The following ETF1 variants were observed in gnomAD, a reference collection of about 807,000 sequenced individuals.
ETF1 encodes eukaryotic translation termination factor 1.
In ETF1, 4 loss-of-function variants were observed where a neutral mutation model predicts 55.1. The observed-to-expected ratio is 0.07, with a 90% CI of 0.04 to 0.17. The LOEUF (loss-of-function observed/expected upper bound fraction) is 0.17, where lower values mean the gene tolerates loss of function less well. Ranked by LOEUF, ETF1 falls within the 10% of genes least tolerant of loss-of-function variation. The pLI is 1.00. For missense variants in ETF1, 142 were observed against 523.6 expected, an observed-to-expected ratio of 0.27 and a Z score of 7.11; for synonymous variants, 157 against 182.3, an observed-to-expected ratio of 0.86 and a Z score of 1.12.
At chr5:138,532,857 CAG>C (rs1302286253) in intron 2 of ETF1, among the ~76,000 whole-genome samples, 1 of 152,146 alleles carries the variant, frequency 6.6e-6, no homozygotes, top group East Asian at 1.9e-4. Flanking sequence ...CCAGTCTTCA[CAG>C]GGACCTGATA....
chr5:138,541,576 TGAA>T, intron 2 of ETF1: 1 of 1,534,908 alleles, frequency 6.5e-7, no homozygotes, highest in Non-Finnish European at 8.7e-7. Context: ...ACAGTAATAA[TGAA>T]GAGCTTGGAG....
At chr5:138,509,825 G>A in intron 9 of ETF1, among the ~76,000 whole-genome samples, 1 of 148,752 alleles carries the variant, frequency 6.7e-6, no homozygotes, top group Admixed American at 6.7e-5. Context: ...AACTCGGGAG[G>A]TGGAGGTTGC....
chr5:138,531,615 T>C (rs1043398430), intron 2 of ETF1, among the ~76,000 whole-genome samples: 1 of 152,238 alleles, frequency 6.6e-6, no homozygotes, highest in Admixed American at 6.5e-5. Flanking sequence ...CTAACCGGGA[T>C]GTACAGTACA....
chr5:138,511,472 T>C lies in ETF1; in HGVS notation c.862+3A>G. ...AGAATAAGTAGTTGCATTTCACCGATACCTATTAATTTCTTCTCTTGAATG... is the reference window on the plus strand; with the variant it reads ...AGAATAAGTAGTTGCATTTCACCGACACCTATTAATTTCTTCTCTTGAATG... On this transcript the variant is annotated splice_donor_region_variant and intron_variant, in intron 7 of 10. Transcript: ENST00000360541. 6.2e-7 allele frequency: 1 copy of C among 1,613,378 alleles called. No homozygotes were observed. Among genetic ancestry groups the C allele is most frequent in the South Asian group, 1.1e-5 (1 of 91,006 alleles).
At chr5:138,512,238 A>ATTT (rs1561829840) in intron 6 of ETF1, among the ~76,000 whole-genome samples, 1 of 5,654 alleles carries the variant, frequency 1.8e-4, no homozygotes, top group African/African-American at 3.9e-4. Flanking sequence ...ATATATATAT[A>ATTT]TATATATATA....
At chr5:138,525,924 A>G (rs1206033756) in intron 2 of ETF1, among the ~76,000 whole-genome samples, 1 of 148,146 alleles carries the variant, frequency 6.8e-6, no homozygotes, top group Non-Finnish European at 1.5e-5. Context: ...CAGTCTGGGC[A>G]ACAGAGTGAG....
At position 138,511,181 on chromosome 5, in the gene ETF1, G is replaced by T; in HGVS notation, c.882C>A (p.Ile294=). Residue 294 remains isoleucine, a synonymous_variant, in exon 8 of 11, where the codon ATC becomes ATA. Coordinates refer to ENST00000360541, the MANE Select transcript of ETF1 (RefSeq NM_004730.4). The stretch of plus-strand genomic sequence containing the variant: ...AACAGTACTTGCCCGTGTCCTGGCT[G>T]ATTTCATCAAAGTATCGTCCTACGA... ...KKLIGRYFDE[I]SQDTGKYCFG... The T allele has an allele frequency of 1.2e-6, 2 of 1,614,008 alleles. No homozygotes were observed. The highest frequency in any genetic ancestry group is 1.6e-4 in the Middle Eastern group (1 of 6,062).
intron 6 of ETF1, among the ~76,000 whole-genome samples, chr5:138,512,254 A>ATTT (rs1452012959): frequency 9.5e-4 from 17 of 17,924 alleles, no homozygotes; most frequent in African/African-American, 4.0e-3. Context: ...ATATATATAT[A>ATTT]TATATTTTTT....
At chr5:138,536,315 A>G (rs957245853) in intron 2 of ETF1, among the ~76,000 whole-genome samples, 3 of 152,240 alleles carry the variant, frequency 2.0e-5, no homozygotes, top group Non-Finnish European at 2.9e-5. Context: ...TCTGTATGAT[A>G]AGAACCAGTT....
rs1764660521 is a variant in ETF1, at chr5:138,509,017, C to T, written c.1084-201G>A. 3.0e-6 allele frequency: 3 copies of T among 984,974 alleles called. No individual in the cohort carries two copies. In the South Asian group the frequency reaches 1.4e-4, roughly 46 times the overall value. 61.0% of individuals were successfully genotyped at this position (984,974 alleles called of 1,614,324 possible). A position where few individuals can be genotyped will look rare whatever the true frequency, so the allele number is the denominator to read the frequency against. ...GAAATTCGGATTATTTCAAACAACA[C>T]TTCTCCTCAGGCTCTACCCTCAGCT... On this transcript the variant is annotated intron_variant, in intron 9 of 10. Coordinates refer to ENST00000360541, the MANE Select transcript of ETF1 (RefSeq NM_004730.4).
At chr5:138,519,910 G>A (rs908194849) in intron 2 of ETF1, among the ~76,000 whole-genome samples, 1 of 150,478 alleles carries the variant, frequency 6.6e-6, no homozygotes, top group Non-Finnish European at 1.5e-5. Context: ...TTGCGGTTTT[G>A]ATTTGGATTT....
chr5:138,519,294 T>C (rs979544913), intron 2 of ETF1: 8 of 575,178 alleles, frequency 1.4e-5, no homozygotes, highest in Non-Finnish European at 1.8e-5. Flanking sequence ...CTAGGCATAT[T>C]TGTAATCAAG....
At chr5:138,528,590 G>A (rs994896830) in intron 2 of ETF1, among the ~76,000 whole-genome samples, 7 of 152,148 alleles carry the variant, frequency 4.6e-5, no homozygotes, top group Non-Finnish European at 8.8e-5. Context: ...TTTCTACAAA[G>A]TTGATAAATG....
Position 138,513,439 on chromosome 5 carries a change from C to T in ETF1, c.541+129G>A, listed in dbSNP as rs1403250875. Reference sequence around the variant, plus strand: ...CGGGCTGGTCTCGAACTTCTGACTTCGTGATCCACCCGGCTCGGCCTCCCA... The same window carrying T: ...CGGGCTGGTCTCGAACTTCTGACTTTGTGATCCACCCGGCTCGGCCTCCCA... On this transcript the variant is annotated intron_variant, in intron 5 of 10. Transcript: ENST00000360541. 14 of 842,330 alleles carry T rather than the reference C, an allele frequency of 1.7e-5. No homozygotes were observed. The East Asian group carries it at 1.8e-4, about 11-fold the overall frequency. The allele number at this position is 842,330 out of a possible 1,614,324, so 52.2% of individuals were successfully genotyped here. A position where few individuals can be genotyped will look rare whatever the true frequency, so the allele number is the denominator to read the frequency against.
intron 2 of ETF1, 62 bp downstream of exon 2, chr5:138,542,771 G>A (rs1766240115): frequency 4.4e-6 from 7 of 1,593,276 alleles, no homozygotes; most frequent in African/African-American, 1.3e-5. Flanking sequence ...CGGCGCGGGG[G>A]CGTCCATCCT....
In ETF1 at chr5:138,511,199, T is replaced by C. The variant is rs776841173; in HGVS notation, c.864A>G (p.Gly288=). 3 of 1,613,970 alleles carry C rather than the reference T, an allele frequency of 1.9e-6. No homozygotes were observed. The African/African-American group carries it at 4.0e-5, about 22-fold the overall frequency. The change falls in exon 8 of 11, where the codon GGA becomes GGG. Residue 288 remains glycine, a splice_region_variant and synonymous_variant. Coordinates refer to ENST00000360541, the MANE Select transcript of ETF1 (RefSeq NM_004730.4). ...VKFIQEKKLI[G]RYFDEISQDT... Reference sequence around the variant, plus strand: ...CCTGGCTGATTTCATCAAAGTATCGTCCTACGATTAGGGATCAGTCAACAG... The same window carrying C: ...CCTGGCTGATTTCATCAAAGTATCGCCCTACGATTAGGGATCAGTCAACAG...
intron 9 of ETF1, among the ~76,000 whole-genome samples, chr5:138,510,144 C>T (rs1167954990): frequency 1.3e-5 from 2 of 150,968 alleles, no homozygotes; most frequent in East Asian, 3.9e-4. Flanking sequence ...ATTGCTTGAG[C>T]TCAGGAGTTT....
At chr5:138,523,660 T>C (rs145688201) in intron 2 of ETF1, among the ~76,000 whole-genome samples, 1 of 152,312 alleles carries the variant, frequency 6.6e-6, no homozygotes, top group East Asian at 1.9e-4. Flanking sequence ...AGAGTGATTG[T>C]TAAAGGGTAC....
At chr5:138,530,625 G>A (rs1333464582) in intron 2 of ETF1, among the ~76,000 whole-genome samples, 3 of 152,108 alleles carry the variant, frequency 2.0e-5, no homozygotes, top group Non-Finnish European at 4.4e-5. Context: ...CTAGGCTGGA[G>A]TGCAGTGGCG....
Sources: allele counts gnomAD v4.1 joint callset (sites outside exome capture counted in the v4.1 genomes callset), GRCh38; gene constraint gnomAD v4.1.1; transcripts MANE v1.5; gene names NCBI Gene and HGNC (gene_info 2026-07-23, HGNC 2026-07-21).